Variants in PDE4D observed in about 807,000 individuals in gnomAD.
PDE4D encodes 3',5'-cyclic-AMP phosphodiesterase 4D.
PDE4D carries 24 observed loss-of-function variants against 87.4 expected under a neutral mutation model. The observed-to-expected ratio is 0.27, with a 90% confidence interval of 0.20 to 0.39. The LOEUF is 0.39. Among genes scored for constraint, PDE4D ranks in the 10% least tolerant of loss-of-function variants. PDE4D has a pLI of 1.00. For synonymous variants in PDE4D, 384 were observed against 383.2 expected (o/e 1.00, Z -0.02); for missense variants, 714 against 1,041.0 (o/e 0.69, Z 4.32).
chr5:59,247,000 G>A (rs1240670282), intron 1 of PDE4D, among the ~76,000 whole-genome samples: 1 of 152,110 alleles, frequency 6.6e-6, no homozygotes, highest in Non-Finnish European at 1.5e-5. Context: ...CAAGCCACAT[G>A]CCTATGTTAC....
intron 1 of PDE4D, among the ~76,000 whole-genome samples, chr5:59,632,322 C>T (rs1831679119): frequency 6.6e-6 from 1 of 152,198 alleles, no homozygotes; most frequent in Non-Finnish European, 1.5e-5. Context: ...ACAGCTTCAG[C>T]AGACTTAAAT....
intron 1 of PDE4D, among the ~76,000 whole-genome samples, chr5:59,670,704 C>G (rs1324178494): frequency 1.3e-5 from 2 of 151,924 alleles, no homozygotes; most frequent in African/African-American, 4.8e-5. Context: ...TATACTAATT[C>G]TTAAATTTTT....
intron 1 of PDE4D, among the ~76,000 whole-genome samples, chr5:59,763,690 G>A (rs1480732639): frequency 6.6e-6 from 1 of 152,160 alleles, no homozygotes; most frequent in African/African-American, 2.4e-5. Context: ...CATTGACTTT[G>A]TAGTTCCTGC....
rs575882890 is a variant in PDE4D at position 60,143,096 on chromosome 5, G to A, written c.42+42461C>T. On this transcript the variant is annotated intron_variant, in intron 2 of 16. Transcript: ENST00000502484. Reference sequence around the variant, plus strand: ...AATAAGACACCCTCACGGTAGCTGGGAGTGAATAAGGAACCAGACCCTTTT... The same window carrying A: ...AATAAGACACCCTCACGGTAGCTGGAAGTGAATAAGGAACCAGACCCTTTT... Among the ~76,000 whole-genome samples the A allele has an allele frequency of 7.3e-3, 1,110 of 152,292 alleles. 4 individuals are homozygous for A. The highest frequency in any genetic ancestry group is 0.027 in the Middle Eastern group (8 of 294).
At chr5:60,277,645 CA>C (rs1751505977) in intron 1 of PDE4D, among the ~76,000 whole-genome samples, 1 of 152,032 alleles carries the variant, frequency 6.6e-6, no homozygotes, top group Admixed American at 6.5e-5. Context: ...AAAAAGGTAA[CA>C]ATCTGTTTTT....
chr5:59,652,697 G>A (rs1743706113), intron 1 of PDE4D, among the ~76,000 whole-genome samples: 1 of 152,024 alleles, frequency 6.6e-6, no homozygotes, highest in Non-Finnish European at 1.5e-5. Flanking sequence ...TCCCAGAAGG[G>A]CAATTATAAA....
At chr5:59,705,672 G>T (rs1280877665) in intron 1 of PDE4D, among the ~76,000 whole-genome samples, 2 of 152,044 alleles carry the variant, frequency 1.3e-5, no homozygotes, top group African/African-American at 4.8e-5. Flanking sequence ...AACCTATCTG[G>T]GTTACTAATA....
intron 1 of PDE4D, among the ~76,000 whole-genome samples, chr5:60,308,177 T>C (rs1042366465): frequency 1.3e-5 from 2 of 152,190 alleles, no homozygotes; most frequent in African/African-American, 4.8e-5. Flanking sequence ...AAAATGCCAT[T>C]GAGAAAAAAG....
chr5:59,009,418 T>C (rs1318887626), intron 6 of PDE4D, among the ~76,000 whole-genome samples: 1 of 152,044 alleles, frequency 6.6e-6, no homozygotes, highest in Non-Finnish European at 1.5e-5. Flanking sequence ...TGAAACAAAT[T>C]ACCAATAGAT....
rs530707623 is a variant in PDE4D at position 60,264,578 on chromosome 5, T to C, written c.-89-78891A>G. 2.1e-4 allele frequency among the ~76,000 whole-genome samples: 32 copies of C among 152,348 alleles called. No individual in the cohort carries two copies. In the East Asian group the frequency reaches 6.2e-3, roughly 29 times the overall value. On this transcript the variant is annotated intron_variant, in intron 1 of 16. Transcript: ENST00000502484. ...CATGTACTGGGTAAGTGGACTAGAA[T>C]GTCTCAGAAGATGTGAAGTACAGTT...
In PDE4D at chr5:59,483,188, G is replaced by C. The variant is rs184528534; in HGVS notation, c.456-267220C>G. On this transcript the variant is annotated intron_variant, in intron 1 of 14. Transcript: ENST00000340635. ...TTTCAGACTGGAACTTATACCAGCAGCTCTCCTGGGTCTCCAGCTTATTGG... is the reference window on the plus strand; with the variant it reads ...TTTCAGACTGGAACTTATACCAGCACCTCTCCTGGGTCTCCAGCTTATTGG... Among the ~76,000 whole-genome samples, 59 of 152,262 alleles carry C rather than the reference G, an allele frequency of 3.9e-4. 1 individual carries two copies. The highest frequency in any genetic ancestry group is 7.1e-4 in the Non-Finnish European group (48 of 68,002).
chr5:59,572,635 C>T (rs373135244), intron 1 of PDE4D, among the ~76,000 whole-genome samples: 1 of 152,138 alleles, frequency 6.6e-6, no homozygotes. Flanking sequence ...CGCCCGCCAC[C>T]ACGCCCAGCT....
chr5:59,527,634 G>A (rs1430741882), intron 1 of PDE4D, among the ~76,000 whole-genome samples: 1 of 151,974 alleles, frequency 6.6e-6, no homozygotes, highest in Non-Finnish European at 1.5e-5. Flanking sequence ...TAATTTTATG[G>A]CCAGCTTTCC....
intron 2 of PDE4D, among the ~76,000 whole-genome samples, chr5:60,165,797 G>A (rs978644278): frequency 7.3e-5 from 11 of 150,718 alleles, no homozygotes; most frequent in Admixed American, 7.3e-4. Context: ...GGTCCCTTGA[G>A]GGCAGAATAT....
intron 2 of PDE4D, among the ~76,000 whole-genome samples, chr5:59,197,334 G>C (rs1038595305): frequency 5.3e-5 from 8 of 152,026 alleles, no homozygotes; most frequent in Admixed American, 2.6e-4. Context: ...TATCATTTTA[G>C]TGAAGGAAAT....
intron 1 of PDE4D, among the ~76,000 whole-genome samples, chr5:59,358,316 T>C (rs1217593266): frequency 6.6e-6 from 1 of 151,864 alleles, no homozygotes; most frequent in Admixed American, 6.6e-5. Context: ...GAGCAGAGAG[T>C]TCAAAAATAA....
intron 5 of PDE4D, among the ~76,000 whole-genome samples, chr5:59,156,329 A>ATGTG (rs1393762751): frequency 7.5e-6 from 1 of 133,508 alleles, no homozygotes; most frequent in East Asian, 2.2e-4. Flanking sequence ...AAATATATAT[A>ATGTG]TATGTGTGTG....
At chr5:59,905,824 C>G (rs954523097) in intron 3 of PDE4D, among the ~76,000 whole-genome samples, 4 of 152,044 alleles carry the variant, frequency 2.6e-5, no homozygotes, top group Non-Finnish European at 4.4e-5. Flanking sequence ...CCCACAGTAC[C>G]ATGACAGGGG....
chr5:60,451,304 G>A (rs1234109550), intron 1 of PDE4D, among the ~76,000 whole-genome samples: 3 of 152,060 alleles, frequency 2.0e-5, no homozygotes, highest in African/African-American at 4.8e-5. Context: ...TTTAATACCT[G>A]TACACAATGT....
Sources: gnomAD v4.1 joint callset for allele counts (sites outside exome capture counted in the v4.1 genomes callset) on GRCh38, gnomAD v4.1.1 for gene constraint, MANE v1.5 for transcripts, NCBI Gene and HGNC (gene_info 2026-07-23, HGNC 2026-07-21) for gene names.